Variants in KCND3 observed in about 807,000 individuals in gnomAD.
The protein encoded by KCND3 is potassium voltage-gated channel subfamily D member 3.
In KCND3, 9 loss-of-function variants were observed where a neutral mutation model predicts 51.1. The ratio of observed to expected loss-of-function variants is 0.18; its 90% CI spans 0.11 to 0.31. KCND3 has a LOEUF of 0.31. Ranked by LOEUF, KCND3 falls within the 10% of genes least tolerant of loss-of-function variation. The pLI is 1.00. For synonymous variants in KCND3, 349 were observed against 368.0 expected, an observed-to-expected ratio of 0.95 and a Z score of 0.59; for missense variants, 526 against 903.8, an observed-to-expected ratio of 0.58 and a Z score of 5.36.
intron 2 of KCND3, among the ~76,000 whole-genome samples, chr1:111,895,215 G>C (rs1001532360): frequency 6.6e-6 from 1 of 151,552 alleles, no homozygotes; most frequent in African/African-American, 2.4e-5. Flanking sequence ...GGGTGAGGAC[G>C]GAGAGGGAGG....
intron 2 of KCND3, among the ~76,000 whole-genome samples, chr1:111,928,530 G>A (rs1475296107): frequency 6.6e-6 from 1 of 152,232 alleles, no homozygotes; most frequent in African/African-American, 2.4e-5. Flanking sequence ...ACGGCATCAC[G>A]CAATTGGTGT....
intron 2 of KCND3, among the ~76,000 whole-genome samples, chr1:111,970,053 G>A (rs968777166): frequency 6.9e-6 from 1 of 144,444 alleles, no homozygotes; most frequent in Non-Finnish European, 1.5e-5. Context: ...TTTCACTCTT[G>A]TCGCCCAGGC....
intron 2 of KCND3, among the ~76,000 whole-genome samples, chr1:111,866,219 T>G (rs965334947): frequency 6.6e-6 from 1 of 151,764 alleles, no homozygotes; most frequent in African/African-American, 2.4e-5. Flanking sequence ...CTCTCTTTCT[T>G]TTTTTCTTTC....
rs1382407 is a variant in KCND3 at position 111,820,065 on chromosome 1, A to G, written c.1107-32959T>C. Among the ~76,000 whole-genome samples, 506 of 152,334 alleles carry G rather than the reference A, an allele frequency of 3.3e-3. 5 individuals carry two copies. The highest frequency in any genetic ancestry group is 0.012 in the African/African-American group (485 of 41,584). On this transcript the variant is annotated intron_variant, in intron 2 of 7. Coordinates refer to ENST00000302127, the MANE Select transcript of KCND3 (RefSeq NM_001378969.1). The stretch of plus-strand genomic sequence containing the variant: ...ACATTCATTGGCTCATCCACTGCCT[A>G]TGAATTAAATGCCAACTCCTCATGC...
At chr1:111,872,281 C>T (rs1205037941) in intron 2 of KCND3, among the ~76,000 whole-genome samples, 2 of 152,172 alleles carry the variant, frequency 1.3e-5, no homozygotes, top group Non-Finnish European at 2.9e-5. Context: ...CTGCAAGAAG[C>T]AGAAGCACCA....
chr1:111,777,345 A>G, intron 6 of KCND3, 72 bp from the exon 7 acceptor site: 2 of 1,513,440 alleles, frequency 1.3e-6, no homozygotes, highest in South Asian at 1.1e-5. Context: ...TATACTCTGT[A>G]TGGCTGCCTG....
At chr1:111,841,479 T>C (rs1667319413) in intron 2 of KCND3, among the ~76,000 whole-genome samples, 1 of 152,228 alleles carries the variant, frequency 6.6e-6, no homozygotes, top group African/African-American at 2.4e-5. Flanking sequence ...TGAGGCTTGC[T>C]GGGCAACTCT....
chr1:111,943,610 T>C (rs1013939422), intron 2 of KCND3, among the ~76,000 whole-genome samples: 2 of 152,224 alleles, frequency 1.3e-5, no homozygotes, highest in African/African-American at 4.8e-5. Flanking sequence ...AGAAGGGTTC[T>C]ATTTGCACAG....
chr1:111,813,515 A>G (rs919320859), intron 2 of KCND3, among the ~76,000 whole-genome samples: 4 of 152,150 alleles, frequency 2.6e-5, no homozygotes, highest in African/African-American at 9.7e-5. Flanking sequence ...TTCGCCCAGG[A>G]CACTGGAGTC....
chr1:111,913,828 C>T (rs952422893), intron 2 of KCND3, among the ~76,000 whole-genome samples: 1 of 152,064 alleles, frequency 6.6e-6, no homozygotes, highest in Non-Finnish European at 1.5e-5. Context: ...CCTGGGAGGT[C>T]AAGGCTGCAG....
chr1:111,970,327 A>G (rs116315329), intron 2 of KCND3, among the ~76,000 whole-genome samples: 2,056 of 152,308 alleles, frequency 0.013, 41 homozygotes, highest in African/African-American at 0.047. Flanking sequence ...TGCTCTTACT[A>G]AAAGGTCTAC....
At chr1:111,847,571 C>G (rs1490789474) in intron 2 of KCND3, among the ~76,000 whole-genome samples, 1 of 152,146 alleles carries the variant, frequency 6.6e-6, no homozygotes, top group African/African-American at 2.4e-5. Context: ...TATGTGCAGG[C>G]GTGATCTACG....
At chr1:111,966,028 C>A (rs572883380) in intron 2 of KCND3, among the ~76,000 whole-genome samples, 1 of 152,234 alleles carries the variant, frequency 6.6e-6, no homozygotes, top group East Asian at 1.9e-4. Flanking sequence ...GACCTCCCTA[C>A]AAGACTCACT....
chr1:111,816,224 C>T (rs990646920), intron 2 of KCND3, among the ~76,000 whole-genome samples: 21 of 152,218 alleles, frequency 1.4e-4, no homozygotes, highest in South Asian at 2.1e-4. Flanking sequence ...GGGTGGGGTC[C>T]GAGCACTGGA....
At chr1:111,931,911 C>T (rs917308762) in intron 2 of KCND3, among the ~76,000 whole-genome samples, 3 of 152,222 alleles carry the variant, frequency 2.0e-5, no homozygotes, top group Non-Finnish European at 4.4e-5. Flanking sequence ...TGCTCCGAGA[C>T]TGTATTAGTT....
intron 3 of KCND3, among the ~76,000 whole-genome samples, chr1:111,781,099 G>A (rs1664363856): frequency 6.6e-6 from 1 of 152,176 alleles, no homozygotes; most frequent in Non-Finnish European, 1.5e-5. Context: ...AAAATGCCAT[G>A]TGCTATTCAG....
chr1:111,855,530 G>T (rs1668026243), intron 2 of KCND3, among the ~76,000 whole-genome samples: 1 of 152,184 alleles, frequency 6.6e-6, no homozygotes, highest in Non-Finnish European at 1.5e-5. Flanking sequence ...GGCTGTGGAG[G>T]GGATCTTCCG....
chr1:111,983,042 C>T (rs1003688320), intron 1 of KCND3, among the ~76,000 whole-genome samples: 3 of 152,156 alleles, frequency 2.0e-5, no homozygotes, highest in African/African-American at 7.2e-5. Flanking sequence ...CCTGACAAAT[C>T]GTCAAGCTCC....
Position 111,775,813 on chromosome 1 carries a change from T to A in KCND3, c.*264A>T. On this transcript the variant is annotated 3_prime_UTR_variant, in exon 8 of 8. Transcript: ENST00000302127. ...CACATAGCCTATATCCCCCGGCCTA[T>A]CCCCGACCCCCCCACCCTCCCTCCC... 3.5e-6 allele frequency: 1 copy of A among 284,068 alleles called. No individual in the cohort carries two copies. Among genetic ancestry groups the A allele is most frequent in the Non-Finnish European group, 6.9e-6 (1 of 145,374 alleles). The allele number at this position is 284,068 out of a possible 1,614,324, so 17.6% of individuals were successfully genotyped here.
Sources: allele counts gnomAD v4.1 joint callset (sites outside exome capture counted in the v4.1 genomes callset), GRCh38; gene constraint gnomAD v4.1.1; transcripts MANE v1.5; gene names NCBI Gene and HGNC (gene_info 2026-07-23, HGNC 2026-07-21).